Variants in LRP1B observed in about 807,000 individuals in gnomAD.
LRP1B encodes LDL receptor related protein 1B.
In LRP1B, 217 loss-of-function variants were observed where a neutral mutation model predicts 556.6. The ratio of observed to expected loss-of-function variants is 0.39; its 90% CI spans 0.35 to 0.44. The LOEUF (loss-of-function observed/expected upper bound fraction) is 0.44, where lower values mean the gene tolerates loss of function less well. LRP1B is among the 20% of genes least tolerant of loss of function. The pLI is 1.00. For missense variants in LRP1B, 5,053 were observed against 5,620.8 expected (o/e 0.90, Z 3.23); for synonymous variants, 2,047 against 1,865.8 (o/e 1.10, Z -2.50).
At chr2:140,941,285 C>A (rs1695394186) in intron 20 of LRP1B, among the ~76,000 whole-genome samples, 1 of 152,050 alleles carries the variant, frequency 6.6e-6, no homozygotes, top group African/African-American at 2.4e-5. Context: ...CTAGACCCAG[C>A]CAAGATACTC....
chr2:141,766,001 GA>G, intron 2 of LRP1B, among the ~76,000 whole-genome samples: 1 of 152,146 alleles, frequency 6.6e-6, no homozygotes, highest in East Asian at 1.9e-4. Context: ...AGGAGCACGT[GA>G]AAAAAATCAC....
At chr2:140,491,146 G>A (rs1026972658) in intron 57 of LRP1B, among the ~76,000 whole-genome samples, 2 of 152,078 alleles carry the variant, frequency 1.3e-5, no homozygotes. Flanking sequence ...AGGAATGCTG[G>A]TAGACATGTA....
At chr2:141,929,475 A>AT (rs913464404) in intron 1 of LRP1B, among the ~76,000 whole-genome samples, 4 of 151,714 alleles carry the variant, frequency 2.6e-5, no homozygotes, top group African/African-American at 9.7e-5. Context: ...AGATTGAACC[A>AT]TTTTTTTTAA....
Position 140,700,483 on chromosome 2 carries a change from A to AAAT in LRP1B, c.6563_6565dup (p.Tyr2188dup). The AAAT allele has an allele frequency of 6.2e-7, 1 of 1,613,520 alleles. No individual in the cohort carries two copies. The highest frequency in any genetic ancestry group is 8.5e-7 in the Non-Finnish European group (1 of 1,179,668). On this transcript the variant is annotated inframe_insertion, in exon 41 of 91. Transcript: ENST00000389484. ...TAATATTGTTCTTCCTGAATACAGTAAATAGCCTTCATGCCTCAGGCAAGT... is the reference window on the plus strand; with the variant it reads ...TAATATTGTTCTTCCTGAATACAGTAAATAATAGCCTTCATGCCTCAGGCAAGT...
At chr2:141,566,715 T>C (rs1444602382) in intron 2 of LRP1B, among the ~76,000 whole-genome samples, 1 of 152,150 alleles carries the variant, frequency 6.6e-6, no homozygotes, top group Non-Finnish European at 1.5e-5. Context: ...AACTCCTGGA[T>C]GGGTGCAATG....
chr2:141,229,547 A>G lies in LRP1B; in HGVS notation c.593-107T>C, dbSNP rs1683381049. ...TTTTCTATACTTTTAATAAATTCAT[A>G]ACAAAAATTTTCTTATAAAAAAACT... On this transcript the variant is annotated intron_variant, in intron 5 of 90. Coordinates refer to ENST00000389484, the MANE Select transcript of LRP1B (RefSeq NM_018557.3). 7 of 856,284 alleles carry G rather than the reference A, an allele frequency of 8.2e-6. No individual in the cohort carries two copies. The East Asian group carries it at 2.0e-4, about 24-fold the overall frequency. 53.0% of individuals were successfully genotyped at this position (856,284 alleles called of 1,614,324 possible).
At chr2:140,703,965 T>C (rs1039508814) in intron 37 of LRP1B, among the ~76,000 whole-genome samples, 3 of 152,198 alleles carry the variant, frequency 2.0e-5, no homozygotes, top group African/African-American at 7.2e-5. Context: ...GTGATGGACA[T>C]ATGAGTGCAT....
chr2:141,916,754 C>T (rs190729366), intron 1 of LRP1B, among the ~76,000 whole-genome samples: 28 of 152,058 alleles, frequency 1.8e-4, no homozygotes, highest in African/African-American at 6.0e-4. Context: ...ACGATAGACA[C>T]TGGGAACTAC....
intron 2 of LRP1B, among the ~76,000 whole-genome samples, chr2:141,531,220 T>A (rs2105191842): frequency 6.6e-6 from 1 of 152,138 alleles, no homozygotes; most frequent in East Asian, 1.9e-4. Context: ...CAAACCTACT[T>A]CTCAAACCAA....
rs1416745838 is a variant in LRP1B at position 140,923,018 on chromosome 2, T to C, written c.3266A>G (p.Asn1089Ser). 17 of 1,613,252 alleles carry C rather than the reference T, an allele frequency of 1.1e-5. No individual in the cohort carries two copies. The highest frequency in any genetic ancestry group is 1.3e-5 in the African/African-American group (1 of 74,982). The change falls in exon 21 of 91, where the codon AAT becomes AGT. Residue 1089 changes from asparagine (N) to serine (S), a missense_variant. By Grantham distance (46) the Asn-to-Ser change is conservative. Transcript: ENST00000389484. ...GTGGTCACACAATCGTATGGTACCA[T>C]TGCAACCTTTTTCATCACTACCATC... ...CEDGSDEKGC[N>S]GTIRLCDHKT...
chr2:140,465,261 C>G (rs1352441653), intron 60 of LRP1B, among the ~76,000 whole-genome samples: 3 of 152,122 alleles, frequency 2.0e-5, no homozygotes, highest in Non-Finnish European at 4.4e-5. Context: ...GGATCTGCCC[C>G]ATGACCCACC....
chr2:141,750,360 T>C (rs1454288963), intron 2 of LRP1B, among the ~76,000 whole-genome samples: 1 of 152,172 alleles, frequency 6.6e-6, no homozygotes, highest in Non-Finnish European at 1.5e-5. Context: ...ATCAGCAATC[T>C]CTGTACTTTC....
chr2:141,929,213 G>T (rs1303799064), intron 1 of LRP1B, among the ~76,000 whole-genome samples: 9 of 152,010 alleles, frequency 5.9e-5, no homozygotes, highest in Non-Finnish European at 2.9e-5. Flanking sequence ...TAAATTAGGA[G>T]ACCACTTCCA....
intron 3 of LRP1B, among the ~76,000 whole-genome samples, chr2:141,324,218 C>T (rs1225033694): frequency 6.6e-6 from 1 of 151,958 alleles, no homozygotes; most frequent in Non-Finnish European, 1.5e-5. Flanking sequence ...ACAAGACCCT[C>T]TCCCAAACAG....
intron 2 of LRP1B, among the ~76,000 whole-genome samples, chr2:141,600,672 C>T (rs1687697182): frequency 6.6e-6 from 1 of 152,180 alleles, no homozygotes; most frequent in Admixed American, 6.6e-5. Context: ...ATAGCAGGGT[C>T]TCTGCCCATA....
intron 3 of LRP1B, among the ~76,000 whole-genome samples, chr2:141,362,286 G>C (rs535231679): frequency 6.6e-6 from 1 of 152,306 alleles, no homozygotes; most frequent in South Asian, 2.1e-4. Flanking sequence ...CTTTTCCAAA[G>C]AGATGATTAT....
chr2:140,964,867 T>A (rs1696154769), intron 18 of LRP1B, among the ~76,000 whole-genome samples: 1 of 152,116 alleles, frequency 6.6e-6, no homozygotes, highest in South Asian at 2.1e-4. Context: ...GGCAGGAGAA[T>A]CACTTGAACC....
At chr2:141,078,036 G>A (rs907724813) in intron 7 of LRP1B, among the ~76,000 whole-genome samples, 3 of 149,250 alleles carry the variant, frequency 2.0e-5, no homozygotes, top group South Asian at 2.1e-4. Flanking sequence ...TTTTTTTAAA[G>A]CTTATTTGGG....
intron 3 of LRP1B, among the ~76,000 whole-genome samples, chr2:141,462,919 C>G (rs1191594960): frequency 1.3e-5 from 2 of 151,770 alleles, no homozygotes; most frequent in Admixed American, 6.6e-5. Context: ...TAGCAATTCA[C>G]AACTATGATA....
Sources: allele counts gnomAD v4.1 joint callset (sites outside exome capture counted in the v4.1 genomes callset), GRCh38; gene constraint gnomAD v4.1.1; transcripts MANE v1.5; gene names NCBI Gene and HGNC (gene_info 2026-07-23, HGNC 2026-07-21).